The following ASB16 variants were observed in gnomAD, a reference collection of about 807,000 sequenced individuals.
ASB16 encodes ankyrin repeat and SOCS box protein 16.
ASB16 carries 44 observed loss-of-function variants against 39.1 expected under a neutral mutation model. That is an observed-to-expected ratio of 1.13 (90% CI 0.88 to 1.45). ASB16 has a LOEUF of 1.45. Ranked by LOEUF, ASB16 falls within the 40% of genes most tolerant of loss-of-function variation. ASB16 has a pLI of 0.00. For missense variants in ASB16, 698 were observed against 634.5 expected (o/e 1.10, Z -1.07); for synonymous variants, 305 against 286.7 (o/e 1.06, Z -0.64).
intron 2 of ASB16, 142 bp from the exon 3 acceptor site, chr17:44,176,596 G>C: frequency 8.3e-7 from 1 of 1,204,234 alleles, no homozygotes. Flanking sequence ...GTTGTCTGTA[G>C]CGGGGCTTGT....
intron 3 of ASB16, 28 bp downstream of exon 3, chr17:44,177,258 G>A (rs1473707790): frequency 6.6e-7 from 1 of 1,513,122 alleles, no homozygotes; most frequent in Admixed American, 2.3e-5. Context: ...GACATAGGAG[G>A]CTCCTGTGTG....
Position 44,178,827 on chromosome 17 carries a change from G to C in ASB16, c.*437G>C, listed in dbSNP as rs536872607. On this transcript the variant is annotated 3_prime_UTR_variant, in exon 5 of 5. Coordinates refer to ENST00000293414, the MANE Select transcript of ASB16 (RefSeq NM_080863.5). Reference sequence around the variant, plus strand: ...CCTGGTCCACCTCACTCCTCCATGGGCTTCTTGAGACACCTGCTGACCTCT... The same window carrying C: ...CCTGGTCCACCTCACTCCTCCATGGCCTTCTTGAGACACCTGCTGACCTCT... 8.3e-4 allele frequency: 144 copies of C among 173,108 alleles called. No homozygotes were observed. Among genetic ancestry groups the C allele is most frequent in the Non-Finnish European group, 1.5e-3 (123 of 80,236 alleles). The allele number at this position is 173,108 out of a possible 1,614,324, so 10.7% of individuals were successfully genotyped here.
Position 44,170,990 on chromosome 17 carries a change from C to T in ASB16, c.201C>T (p.Ser67=), listed in dbSNP as rs147113944. The change falls in exon 1 of 5, where the codon TCC becomes TCT. Residue 67 remains serine (S), a synonymous_variant. Coordinates refer to ENST00000293414, the MANE Select transcript of ASB16 (RefSeq NM_080863.5). ...CAGCTGTCCACCAAGCCCTCTTCTC[C>T]GGCAACCTGCAGCAGGTCCAAGCCC... ...RDPAVHQALF[S]GNLQQVQALF... The T allele has an allele frequency of 1.7e-4, 278 of 1,613,984 alleles. No homozygotes were observed. Among genetic ancestry groups the T allele is most frequent in the African/African-American group, 7.1e-4 (53 of 75,052 alleles).
Position 44,172,139 on chromosome 17 carries a change from G to A in ASB16, c.395G>A (p.Arg132Gln), listed in dbSNP as rs112609276. 660 of 1,611,690 alleles carry A rather than the reference G, an allele frequency of 4.1e-4. 5 individuals are homozygous for A. The African/African-American group carries it at 7.6e-3, about 18-fold the overall frequency. ...ACAGACTGTGCTCGACACCTGATCCGGCAGGGAGCTGAGCTGGATGCCCGT... is the reference window on the plus strand; with the variant it reads ...ACAGACTGTGCTCGACACCTGATCCAGCAGGGAGCTGAGCTGGATGCCCGT... ...GYTDCARHLI[R>Q]QGAELDARVG... The change falls in exon 2 of 5, where the codon CGG becomes CAG. Residue 132 changes from arginine to glutamine, a missense_variant. By Grantham distance (43) the Arg-to-Gln change is conservative. Transcript: ENST00000293414.
At chr17:44,172,454 C>G in intron 2 of ASB16, 141 bp downstream of exon 2, 1 of 962,656 alleles carries the variant, frequency 1.0e-6, no homozygotes, top group Admixed American at 2.8e-5. Context: ...TCACAATAAC[C>G]TGGAGACACC....
intron 1 of ASB16, among the ~76,000 whole-genome samples, chr17:44,171,449 A>T (rs906807825): frequency 1.3e-5 from 2 of 151,860 alleles, no homozygotes; most frequent in African/African-American, 4.8e-5. Flanking sequence ...CTGTAATCCC[A>T]GCTACTCAGC....
chr17:44,177,192 G>C lies in ASB16; in HGVS notation c.1024G>C (p.Ala342Pro). 1 of 1,538,812 alleles carries C rather than the reference G, an allele frequency of 6.5e-7. No individual in the cohort carries two copies. The highest frequency in any genetic ancestry group is 1.2e-5 in the South Asian group (1 of 83,052). ...PNWEPEVLFA[A>P]LLDYGAQPVR... ...CTGGGAGCCTGAAGTCCTTTTCGCC[G>C]CACTGCTGGACTACGGGGCGCAGCC... The change falls in exon 3 of 5, where the codon GCA becomes CCA. Residue 342 changes from alanine (A) to proline (P), a missense_variant. Ala to Pro is a conservative substitution (Grantham distance 27, BLOSUM62 -1). Transcript: ENST00000293414.
At position 44,178,228 on chromosome 17, in the gene ASB16, G is replaced by C. The variant is rs754202943; in HGVS notation, c.1200G>C (p.Ser400=). The change falls in exon 5 of 5, where the codon TCG becomes TCC. Residue 400 remains serine, a synonymous_variant. Coordinates refer to ENST00000293414, the MANE Select transcript of ASB16 (RefSeq NM_080863.5). ...AGGAGCACGAAGCCTTCTACAGCTC[G>C]GCCCTGTGCATGGTGAACCAGCCAA... ...LWKEHEAFYS[S]ALCMVNQPRQ... is the part of the protein sequence containing the mutation. 2 of 1,613,336 alleles carry C rather than the reference G, an allele frequency of 1.2e-6. No individual in the cohort carries two copies. Among genetic ancestry groups the C allele is most frequent in the Non-Finnish European group, 1.7e-6 (2 of 1,179,998 alleles).
chr17:44,177,507 GC>G, intron 3 of ASB16, 101 bp from the exon 4 acceptor site: 2 of 1,424,952 alleles, frequency 1.4e-6, no homozygotes, highest in South Asian at 1.4e-5. Context: ...TCAGACCTTA[GC>G]CCCCCAGATT....
At chr17:44,171,561 T>TCAAAAAAAA (rs2054242890) in intron 1 of ASB16, among the ~76,000 whole-genome samples, 1 of 97,728 alleles carries the variant, frequency 1.0e-5, no homozygotes, top group Non-Finnish European at 1.8e-5. Flanking sequence ...AGACCCTGCC[T>TCAAAAAAAA]AAAAAAAAAA....
chr17:44,178,315 G>A lies in ASB16; in HGVS notation c.1287G>A (p.Gln429=). The A allele has an allele frequency of 6.2e-7, 1 of 1,612,072 alleles. No homozygotes were observed. The highest frequency in any genetic ancestry group is 8.5e-7 in the Non-Finnish European group (1 of 1,179,536). The change falls in exon 5 of 5, where the codon CAG becomes CAA. Residue 429 remains glutamine, a synonymous_variant. Transcript: ENST00000293414. Reference sequence around the variant, plus strand: ...CTCGGTTGGGAAGCCGCTGCCGGCAGGGTGCCACCCGGCTGCCACTGCCCC... The same window carrying A: ...CTCGGTTGGGAAGCCGCTGCCGGCAAGGTGCCACCCGGCTGCCACTGCCCC... The part of the protein sequence containing the change: ...VRARLGSRCR[Q]GATRLPLPPL...
At position 44,176,778 on chromosome 17, in the gene ASB16, C is replaced by T. The variant is rs1476047009; in HGVS notation, c.610C>T (p.Leu204=). 22 of 1,613,930 alleles carry T rather than the reference C, an allele frequency of 1.4e-5. No homozygotes were observed. The highest frequency in any genetic ancestry group is 1.8e-5 in the Non-Finnish European group (21 of 1,179,932). ...LLLEAGATVN[L]AAGESQETPL... The stretch of plus-strand genomic sequence containing the variant: ...GCTGGAAGCAGGAGCGACGGTGAAC[C>T]TGGCAGCAGGCGAGAGCCAGGAGAC... The change falls in exon 3 of 5, where the codon CTG becomes TTG. Residue 204 remains leucine, a synonymous_variant. Coordinates refer to ENST00000293414, the MANE Select transcript of ASB16 (RefSeq NM_080863.5).
intron 2 of ASB16, among the ~76,000 whole-genome samples, chr17:44,173,836 A>G (rs1486628392): frequency 6.6e-6 from 1 of 151,952 alleles, no homozygotes; most frequent in Non-Finnish European, 1.5e-5. Context: ...GAAGAGAGGT[A>G]TGGGGGTGCC....
Position 44,177,158 on chromosome 17 carries a change from CT to C in ASB16, c.991del (p.Ser331ProfsTer26). 2 of 1,525,714 alleles carry C rather than the reference CT, an allele frequency of 1.3e-6. No homozygotes were observed. The highest frequency in any genetic ancestry group is 1.2e-5 in the South Asian group (1 of 81,408). 94.5% of individuals were successfully genotyped at this position (1,525,714 alleles called of 1,614,324 possible). A position where few individuals can be genotyped will look rare whatever the true frequency, so the allele number is the denominator to read the frequency against. The stretch of plus-strand genomic sequence containing the variant: ...ACTGTGCGCTGCAGGCCGTCCAGGA[CT>C]CCCCCAACTGGGAGCCTGAAGTCCT... ...MDCALQAVQD[S>X]PNWEPEVLFA... On this transcript the variant is annotated frameshift_variant, in exon 3 of 5. Coordinates refer to ENST00000293414, the MANE Select transcript of ASB16 (RefSeq NM_080863.5). LOFTEE classifies it high-confidence loss of function.
At chr17:44,178,064 C>G (rs1236716485) in intron 4 of ASB16, 141 bp from the exon 5 acceptor site, 2 of 888,396 alleles carry the variant, frequency 2.3e-6, no homozygotes, top group Admixed American at 4.4e-5. Flanking sequence ...TGCAGGGCCT[C>G]TATGGTTCTG....
At chr17:44,171,940 CAT>C (rs2054245871) in intron 1 of ASB16, 104 bp from the exon 2 acceptor site, 1 of 1,210,860 alleles carries the variant, frequency 8.3e-7, no homozygotes. Context: ...CTCAGCAAAC[CAT>C]GCAGAGGGAA....
At chr17:44,174,306 A>T (rs1022916635) in intron 2 of ASB16, among the ~76,000 whole-genome samples, 17 of 151,916 alleles carry the variant, frequency 1.1e-4, no homozygotes, top group Admixed American at 1.3e-4. Flanking sequence ...CGGCCTCCCA[A>T]AGTGCTGGGA....
chr17:44,176,987 T>C lies in ASB16; in HGVS notation c.819T>C (p.Ala273=). ...HQAAARRLLE[A]GADARAAGRK... ...CTGCGGCGCGCCGGCTCCTGGAGGCTGGAGCTGATGCCCGGGCGGCCGGGC... is the reference window on the plus strand; with the variant it reads ...CTGCGGCGCGCCGGCTCCTGGAGGCCGGAGCTGATGCCCGGGCGGCCGGGC... Residue 273 remains alanine (A), a synonymous_variant, in exon 3 of 5, where the codon GCT becomes GCC. Coordinates refer to ENST00000293414, the MANE Select transcript of ASB16 (RefSeq NM_080863.5). 3 of 1,491,062 alleles carry C rather than the reference T, an allele frequency of 2.0e-6. No individual in the cohort carries two copies. The highest frequency in any genetic ancestry group is 2.6e-6 in the Non-Finnish European group (3 of 1,132,620). The allele number at this position is 1,491,062 out of a possible 1,614,324, so 92.4% of individuals were successfully genotyped here. A position where few individuals can be genotyped will look rare whatever the true frequency, so the allele number is the denominator to read the frequency against.
chr17:44,175,850 T>G (rs2054283489), intron 2 of ASB16: 2 of 152,204 alleles, frequency 1.3e-5, no homozygotes, highest in Admixed American at 1.3e-4. Flanking sequence ...TTTTGTTTGT[T>G]TTCCCTAGGG....
Sources: gnomAD v4.1 joint callset for allele counts (sites outside exome capture counted in the v4.1 genomes callset) on GRCh38, gnomAD v4.1.1 for gene constraint, MANE v1.5 for transcripts, NCBI Gene and HGNC (gene_info 2026-07-23, HGNC 2026-07-21) for gene names.